The following MARCHF8 variants were observed in gnomAD, a reference collection of about 807,000 sequenced individuals.
MARCHF8 encodes the protein E3 ubiquitin-protein ligase MARCHF8.
In MARCHF8, 40 loss-of-function variants were observed where a neutral mutation model predicts 51.6. The observed-to-expected ratio is 0.77, with a 90% CI of 0.60 to 1.01. The LOEUF (loss-of-function observed/expected upper bound fraction) is 1.01, where lower values mean the gene tolerates loss of function less well. MARCHF8 is among the 50% of genes least tolerant of loss of function. The pLI, the probability that MARCHF8 is intolerant of heterozygous loss-of-function variation, is 0.00. For missense variants in MARCHF8, 685 were observed against 708.6 expected, an observed-to-expected ratio of 0.97 and a Z score of 0.38; for synonymous variants, 263 against 280.3, an observed-to-expected ratio of 0.94 and a Z score of 0.62.
chr10:45,512,384 C>T (rs537508051), intron 2 of MARCHF8, among the ~76,000 whole-genome samples: 235 of 150,660 alleles, frequency 1.6e-3, no homozygotes, highest in African/African-American at 5.3e-3. Context: ...CCGCCCCGTC[C>T]AGGAGGGAGG....
intron 1 of MARCHF8, among the ~76,000 whole-genome samples, chr10:45,591,208 C>G (rs568151682): frequency 6.6e-6 from 1 of 152,200 alleles, no homozygotes; most frequent in African/African-American, 2.4e-5. Flanking sequence ...AAACAGACAG[C>G]CTTGCTGCTC....
At chr10:45,545,456 T>C (rs2044108343) in intron 1 of MARCHF8, among the ~76,000 whole-genome samples, 1 of 152,232 alleles carries the variant, frequency 6.6e-6, no homozygotes. Flanking sequence ...GTCAACCTGG[T>C]ACAATTCATT....
chr10:45,466,019 G>C (rs991920262), intron 3 of MARCHF8, among the ~76,000 whole-genome samples: 2 of 152,174 alleles, frequency 1.3e-5, no homozygotes, highest in African/African-American at 4.8e-5. Flanking sequence ...GACATCCCTT[G>C]CATCTTCTAG....
chr10:45,578,446 T>C (rs1242389865), intron 1 of MARCHF8, among the ~76,000 whole-genome samples: 5 of 152,092 alleles, frequency 3.3e-5, no homozygotes, highest in Non-Finnish European at 5.9e-5. Context: ...AAATAAATAA[T>C]TGAACAAATA....
At chr10:45,530,348 G>C (rs1158071082) in intron 2 of MARCHF8, among the ~76,000 whole-genome samples, 1 of 152,182 alleles carries the variant, frequency 6.6e-6, no homozygotes, top group Non-Finnish European at 1.5e-5. Context: ...TATTCAGGTG[G>C]TGTAACAACA....
rs947949937 is a variant in MARCHF8, at chr10:45,463,958, G to A, written c.281C>T (p.Ser94Phe). Residue 94 changes from serine to phenylalanine, a missense_variant, in exon 5 of 8, where the codon TCC becomes TTC. Transcript: ENST00000453424. ...AVFSECCHHS[S>F]VQSAVVSKAP... ...TTTCGAGACAACAGCAGACTGCACG[G>A]AACTGTGGTGACAACACTCAGAAAA... 7.2e-6 allele frequency: 11 copies of A among 1,536,050 alleles called. No individual in the cohort carries two copies. The East Asian group carries it at 2.7e-4, about 38-fold the overall frequency.
At chr10:45,555,390 T>C (rs1261369224) in intron 1 of MARCHF8, among the ~76,000 whole-genome samples, 1 of 152,062 alleles carries the variant, frequency 6.6e-6, no homozygotes, top group Non-Finnish European at 1.5e-5. Flanking sequence ...ATTAATGTAA[T>C]TAACTCATTA....
chr10:45,476,571 G>C (rs989177776), intron 3 of MARCHF8, among the ~76,000 whole-genome samples: 2 of 152,034 alleles, frequency 1.3e-5, no homozygotes, highest in African/African-American at 4.8e-5. Context: ...CGGAAGCTCA[G>C]TGAGATACAC....
chr10:45,589,377 A>G (rs932209945), intron 1 of MARCHF8, among the ~76,000 whole-genome samples: 1 of 152,196 alleles, frequency 6.6e-6, no homozygotes, highest in Non-Finnish European at 1.5e-5. Context: ...ATTCTCCAGG[A>G]GGCATACAAC....
intron 6 of MARCHF8, 65 bp downstream of exon 6, chr10:45,461,166 G>C: frequency 7.7e-7 from 1 of 1,290,694 alleles, no homozygotes; most frequent in South Asian, 1.7e-5. Context: ...CTCATGATCT[G>C]AGACACCAGC....
intron 1 of MARCHF8, among the ~76,000 whole-genome samples, chr10:45,585,913 G>A (rs7918454): frequency 0.26 from 39,957 of 151,834 alleles, 5,517 homozygotes; most frequent in South Asian, 0.37. Flanking sequence ...GACATAATTA[G>A]TAACAATTTG....
intron 1 of MARCHF8, among the ~76,000 whole-genome samples, chr10:45,561,874 C>T (rs111972475): frequency 0.036 from 4,977 of 137,180 alleles, 140 homozygotes; most frequent in Non-Finnish European, 0.052. Context: ...GCACTCCAGC[C>T]TGGGCAACGG....
intron 2 of MARCHF8, among the ~76,000 whole-genome samples, chr10:45,507,251 T>C (rs939015996): frequency 6.6e-6 from 1 of 151,632 alleles, no homozygotes; most frequent in Non-Finnish European, 1.5e-5. Context: ...GAAAAAAAAA[T>C]AGTTTTGTCC....
intron 1 of MARCHF8, among the ~76,000 whole-genome samples, chr10:45,581,918 G>C (rs1345789497): frequency 7.7e-6 from 1 of 130,498 alleles, no homozygotes; most frequent in Non-Finnish European, 1.6e-5. Flanking sequence ...TCAAAACTGA[G>C]AACAGTACTT....
intron 2 of MARCHF8, among the ~76,000 whole-genome samples, chr10:45,497,169 TATATTA>T (rs1231623639): frequency 6.6e-6 from 1 of 152,026 alleles, no homozygotes; most frequent in Non-Finnish European, 1.5e-5. Context: ...GGGTAGTCAT[TATATTA>T]ATATCAGATA....
chr10:45,509,864 CAA>C (rs1315932950), intron 2 of MARCHF8, among the ~76,000 whole-genome samples: 1 of 152,162 alleles, frequency 6.6e-6, no homozygotes, highest in Non-Finnish European at 1.5e-5. Context: ...TCACTAGTAA[CAA>C]GAGGCTTTAA....
At chr10:45,541,743 G>A (rs2044055361) in intron 1 of MARCHF8, among the ~76,000 whole-genome samples, 1 of 152,056 alleles carries the variant, frequency 6.6e-6, no homozygotes, top group Non-Finnish European at 1.5e-5. Context: ...ACCAAATTGG[G>A]AGGATGGGAA....
intron 1 of MARCHF8, among the ~76,000 whole-genome samples, chr10:45,542,214 C>T (rs1404097868): frequency 6.6e-6 from 1 of 151,584 alleles, no homozygotes. Context: ...GGCATGGTGG[C>T]GGGCACCTGT....
chr10:45,484,420 T>C (rs1457747009), intron 3 of MARCHF8, among the ~76,000 whole-genome samples: 1 of 152,160 alleles, frequency 6.6e-6, no homozygotes. Flanking sequence ...GGCGATTTCA[T>C]GGGGGCTGCA....
Sources: allele counts gnomAD v4.1 joint callset (sites outside exome capture counted in the v4.1 genomes callset), GRCh38; gene constraint gnomAD v4.1.1; transcripts MANE v1.5; gene names NCBI Gene and HGNC (gene_info 2026-07-23, HGNC 2026-07-21).